TLE2: variants seen among roughly 807,000 people sequenced by gnomAD.
TLE2 encodes transducin-like enhancer protein 2.
In TLE2, 74 loss-of-function variants were observed where a neutral mutation model predicts 97.2. That is an observed-to-expected ratio of 0.76 (90% CI 0.63 to 0.92). TLE2 has a LOEUF of 0.92. TLE2 is among the 40% of genes least tolerant of loss of function. TLE2 has a pLI of 0.00. For missense variants in TLE2, 1,038 were observed against 1,008.7 expected, an observed-to-expected ratio of 1.03 and a Z score of -0.39; for synonymous variants, 499 against 432.1, an observed-to-expected ratio of 1.15 and a Z score of -1.92.
Position 3,021,122 on chromosome 19 carries a change from G to GGT in TLE2, c.295-1350_295-1349insAC, listed in dbSNP as rs1555693183. 2.0e-4 allele frequency among the ~76,000 whole-genome samples: 25 copies of GGT among 127,674 alleles called. 2 individuals carry two copies. Among genetic ancestry groups the GGT allele is most frequent in the South Asian group, 1.3e-3 (5 of 3,950 alleles). 83.8% of individuals were successfully genotyped at this position (127,674 alleles called of 152,430 possible). On this transcript the variant is annotated intron_variant, in intron 5 of 19. Coordinates refer to ENST00000262953, the MANE Select transcript of TLE2 (RefSeq NM_003260.5). The stretch of plus-strand genomic sequence containing the variant: ...AAAAAAAAAAAAAAAAAAGGGGGGG[G>GGT]GGTGCTGAGCGTGGTGACTCACACC...
chr19:3,019,427 C>CGGGGGGTG lies in TLE2; in HGVS notation c.405_406insCACCCCCC (p.Val136HisfsTer159). On this transcript the variant is annotated frameshift_variant, in exon 7 of 20. Coordinates refer to ENST00000262953, the MANE Select transcript of TLE2 (RefSeq NM_003260.5). LOFTEE classifies it high-confidence loss of function. This position sits in a 1 kb window ranked among gnomAD's most constrained non-coding sequence, Gnocchi z 5.1. ...CCGGCTGGGCGGGGGGTGAGGGGCACAGGGGGTGCGTGGTGGGACAGCGGC... is the reference window on the plus strand; with the variant it reads ...CCGGCTGGGCGGGGGGTGAGGGGCACGGGGGGTGAGGGGGTGCGTGGTGGGACAGCGGC... The CGGGGGGTG allele has an allele frequency of 6.5e-7, 1 of 1,535,974 alleles. No homozygotes were observed. Among genetic ancestry groups the CGGGGGGTG allele is most frequent in the Admixed American group, 2.0e-5 (1 of 50,946 alleles).
At chr19:3,012,493 A>G (rs2089617798) in intron 11 of TLE2, among the ~76,000 whole-genome samples, 1 of 152,210 alleles carries the variant, frequency 6.6e-6, no homozygotes, top group Admixed American at 6.5e-5. Context: ...CTGGGATGAC[A>G]GGGATGAGCC....
At chr19:3,021,814 C>G (rs1007002890) in intron 5 of TLE2, among the ~76,000 whole-genome samples, 6 of 152,088 alleles carry the variant, frequency 3.9e-5, no homozygotes, top group Non-Finnish European at 8.8e-5. Context: ...AACTCCTGAT[C>G]TCAAGTGATT....
chr19:3,006,553 T>A lies in TLE2; in HGVS notation c.1367A>T (p.His456Leu). ...RHARQLHTLAHGEVVCAVTIS... is the reference protein window; with the variant it reads ...RHARQLHTLALGEVVCAVTIS... ...GGTGACCGCGCAGACCACCTCGCCATGGGCCAGCGTGTGCAGCTGCCGGGC... is the reference window on the plus strand; with the variant it reads ...GGTGACCGCGCAGACCACCTCGCCAAGGGCCAGCGTGTGCAGCTGCCGGGC... Residue 456 changes from histidine to leucine, a missense_variant, in exon 15 of 20, where the codon CAT (histidine) becomes CTT (leucine). Physicochemically the swap from His to Leu is moderately conservative, Grantham distance 99. Transcript: ENST00000262953. 6.2e-7 allele frequency: 1 copy of A among 1,604,352 alleles called. No homozygotes were observed. The highest frequency in any genetic ancestry group is 1.1e-5 in the South Asian group (1 of 89,588).
chr19:2,997,726 C>T lies in TLE2; in HGVS notation c.*122G>A. 1.4e-6 allele frequency: 1 copy of T among 699,760 alleles called. No individual in the cohort carries two copies. The highest frequency in any genetic ancestry group is 2.5e-6 in the Non-Finnish European group (1 of 397,848). The allele number at this position is 699,760 out of a possible 1,614,324, so 43.3% of individuals were successfully genotyped here. A position where few individuals can be genotyped will look rare whatever the true frequency, so the allele number is the denominator to read the frequency against. On this transcript the variant is annotated 3_prime_UTR_variant, in exon 20 of 20. Transcript: ENST00000262953. The stretch of plus-strand genomic sequence containing the variant: ...GCAGGGGAAGGTGTGAAGCCGTTGG[C>T]CAGAGAGCAGATGGGATGTACGGTT...
chr19:3,025,000 C>CCCCCCCCCCGCCCCCA lies in TLE2; in HGVS notation c.294+19_294+20insTGGGGGCGGGGGGGGG. 6.3e-7 allele frequency: 1 copy of CCCCCCCCCCGCCCCCA among 1,577,996 alleles called. No individual in the cohort carries two copies. Among genetic ancestry groups the CCCCCCCCCCGCCCCCA allele is most frequent in the Non-Finnish European group, 8.6e-7 (1 of 1,161,784 alleles). On this transcript the variant is annotated intron_variant, in intron 5 of 19. Coordinates refer to ENST00000262953, the MANE Select transcript of TLE2 (RefSeq NM_003260.5). ...TTCCGGCTCCCTTCCCCTCCTCCCC[C>CCCCCCCCCCGCCCCCA]CACCCCCAGGCCCACTCACCTCCTG...
chr19:3,047,588 T>C (rs2090154365), upstream of TLE2: 1 of 151,928 alleles, frequency 6.6e-6, no homozygotes, highest in Admixed American at 6.6e-5. Context: ...TATTACTAGC[T>C]GACACTCTTG....
chr19:3,017,804 G>A, intron 8 of TLE2, 36 bp downstream of exon 8: 3 of 1,605,234 alleles, frequency 1.9e-6, no homozygotes, highest in Non-Finnish European at 1.7e-6. Flanking sequence ...GGCCTCCCAA[G>A]AATATAAAAA....
Position 3,019,697 on chromosome 19 carries a change from AC to A in TLE2, c.369+1del. 3.1e-6 allele frequency: 5 copies of A among 1,607,756 alleles called. No individual in the cohort carries two copies. Among genetic ancestry groups the A allele is most frequent in the Non-Finnish European group, 4.2e-6 (5 of 1,177,422 alleles). On this transcript the variant is annotated splice_donor_variant, in intron 6 of 19. Coordinates refer to ENST00000262953, the MANE Select transcript of TLE2 (RefSeq NM_003260.5). LOFTEE classifies it high-confidence loss of function. The surrounding 1 kb of genome is among the most constrained non-coding windows in gnomAD (Gnocchi z 5.1). ...GGCGGGGCAGGGGCTAGAGAGACTC[AC>A]CCCGATGAGGCTGTTCAGCTCCCCC...
At chr19:3,011,610 G>A (rs892838999) in intron 11 of TLE2, among the ~76,000 whole-genome samples, 1 of 151,808 alleles carries the variant, frequency 6.6e-6, no homozygotes, top group Non-Finnish European at 1.5e-5. Context: ...ACCACTTTGG[G>A]AGGCCGAGGC....
chr19:3,033,095 C>A (rs1353773957), upstream of TLE2, among the ~76,000 whole-genome samples: 1 of 151,830 alleles, frequency 6.6e-6, no homozygotes, highest in South Asian at 2.1e-4. Context: ...TCACTGCAAC[C>A]TCCGCCTCCC....
chr19:3,027,232 C>T (rs1161995707), intron 4 of TLE2, among the ~76,000 whole-genome samples: 2 of 152,234 alleles, frequency 1.3e-5, no homozygotes, highest in South Asian at 2.1e-4. Context: ...CAGAGCCTTA[C>T]GACACTGGAG....
At chr19:3,010,892 G>A (rs1179417608) in intron 12 of TLE2, 130 bp downstream of exon 12, 11 of 1,301,746 alleles carry the variant, frequency 8.5e-6, no homozygotes, top group African/African-American at 6.1e-5. Flanking sequence ...CTAACTTGAA[G>A]TCACAAAAAG....
chr19:3,040,506 C>G (rs1203950137), intron 1 of TLE2, among the ~76,000 whole-genome samples: 3 of 151,720 alleles, frequency 2.0e-5, no homozygotes, highest in Non-Finnish European at 4.4e-5. Context: ...ATGCCCGGCT[C>G]ATTTTTGTAT....
At chr19:3,029,558 C>CGGG (rs756651385), upstream of TLE2, 814 of 226,858 alleles carry the variant, frequency 3.6e-3, 8 homozygotes, top group South Asian at 5.9e-3. Flanking sequence ...ACCGTGGGAG[C>CGGG]GGGGGGGGGG....
At chr19:3,021,588 T>A (rs1219294944) in intron 5 of TLE2, among the ~76,000 whole-genome samples, 1 of 152,114 alleles carries the variant, frequency 6.6e-6, no homozygotes, top group East Asian at 1.9e-4. Context: ...CTTATTTTTA[T>A]TTTTACTTTT....
chr19:3,031,852 C>T (rs911983178), upstream of TLE2, among the ~76,000 whole-genome samples: 4 of 151,174 alleles, frequency 2.6e-5, no homozygotes, highest in African/African-American at 9.6e-5. Flanking sequence ...CTTCTGCCCA[C>T]CCCGTTATTT....
chr19:3,007,406 A>G (rs1337954004), intron 14 of TLE2, among the ~76,000 whole-genome samples: 2 of 151,960 alleles, frequency 1.3e-5, no homozygotes, highest in East Asian at 3.9e-4. Flanking sequence ...GCATTTTTTA[A>G]AGTAATTTTC....
Position 2,997,809 on chromosome 19 carries a change from G to A in TLE2, c.*39C>T, listed in dbSNP as rs1248830605. The stretch of plus-strand genomic sequence containing the variant: ...GTCTGTCCTGGCTGCTGATTCCCCT[G>A]GGAGTCTGGACTTCGGGTACAGGAA... On this transcript the variant is annotated 3_prime_UTR_variant, in exon 20 of 20. Transcript: ENST00000262953. 7 of 1,458,336 alleles carry A rather than the reference G, an allele frequency of 4.8e-6. No homozygotes were observed. The highest frequency in any genetic ancestry group is 1.4e-5 in the African/African-American group (1 of 71,580). The allele number at this position is 1,458,336 out of a possible 1,614,324, so 90.3% of individuals were successfully genotyped here. A position where few individuals can be genotyped will look rare whatever the true frequency, so the allele number is the denominator to read the frequency against.
Sources: allele counts gnomAD v4.1 joint callset (sites outside exome capture counted in the v4.1 genomes callset), GRCh38; gene constraint gnomAD v4.1.1; non-coding constraint Gnocchi (gnomAD v3.1); transcripts MANE v1.5; gene names NCBI Gene and HGNC (gene_info 2026-07-23, HGNC 2026-07-21).